The following IPO7 variants were observed in gnomAD, a reference collection of about 807,000 sequenced individuals.
IPO7 encodes the protein importin-7.
IPO7 carries 13 observed loss-of-function variants against 136.4 expected under a neutral mutation model. That is an observed-to-expected ratio of 0.10 (90% CI 0.06 to 0.15). The LOEUF (loss-of-function observed/expected upper bound fraction) is 0.15, where lower values mean the gene tolerates loss of function less well. Ranked by LOEUF, IPO7 falls within the 10% of genes least tolerant of loss-of-function variation. IPO7 has a pLI of 1.00. For synonymous variants in IPO7, 403 were observed against 404.4 expected, an observed-to-expected ratio of 1.00 and a Z score of 0.04; for missense variants, 857 against 1,240.6, an observed-to-expected ratio of 0.69 and a Z score of 4.65.
intron 1 of IPO7, among the ~76,000 whole-genome samples, chr11:9,400,454 C>G (rs1039966589): frequency 6.6e-6 from 1 of 151,756 alleles, no homozygotes; most frequent in Non-Finnish European, 1.5e-5. Flanking sequence ...GACCTAATCT[C>G]GCTGTCGCCC....
chr11:9,397,341 A>AAAAAAAAATATATATATATAT, intron 1 of IPO7, among the ~76,000 whole-genome samples: 15 of 10,756 alleles, frequency 1.4e-3, no homozygotes, highest in South Asian at 6.6e-3. Context: ...TTTAAAAAAA[A>AAAAAAAAATATATATATATAT]ATATATATAT....
intron 5 of IPO7, among the ~76,000 whole-genome samples, chr11:9,414,851 C>T (rs577688557): frequency 1.3e-5 from 2 of 151,774 alleles, no homozygotes; most frequent in African/African-American, 2.4e-5. Context: ...GTCTCGAACT[C>T]CTGACCTCGT....
At chr11:9,430,792 C>T (rs1855283209) in intron 15 of IPO7, 83 bp from the exon 16 acceptor site, 10 of 1,095,748 alleles carry the variant, frequency 9.1e-6, no homozygotes, top group Non-Finnish European at 1.3e-5. Flanking sequence ...CCAATGAGAA[C>T]GTTCTAAGAA....
At chr11:9,437,615 A>G (rs1379585804) in intron 20 of IPO7, 139 bp from the exon 21 acceptor site, 3 of 653,252 alleles carry the variant, frequency 4.6e-6, no homozygotes, top group Admixed American at 2.9e-5. Flanking sequence ...TAGATTTCCC[A>G]GTGCAGTGCC....
rs879244973 is a variant in IPO7 at position 9,441,987 on chromosome 11, T to C, written c.2903-94T>C. The C allele has an allele frequency of 1.7e-5, 10 of 578,788 alleles. 1 individual carries two copies. The South Asian group carries it at 2.6e-4, about 15-fold the overall frequency. 35.9% of individuals were successfully genotyped at this position (578,788 alleles called of 1,614,324 possible). On this transcript the variant is annotated intron_variant, in intron 23 of 24. Transcript: ENST00000379719. ...TATAAAATAGATCAGAATTTCAGTATTGCCTCGGGATGGAGTAGGAGGAAT... is the reference window on the plus strand; with the variant it reads ...TATAAAATAGATCAGAATTTCAGTACTGCCTCGGGATGGAGTAGGAGGAAT...
Position 9,384,784 on chromosome 11 carries a change from C to G in IPO7, c.21C>G (p.Ile7Met). The G allele has an allele frequency of 6.2e-7, 1 of 1,606,580 alleles. No individual in the cohort carries two copies. The highest frequency in any genetic ancestry group is 8.5e-7 in the Non-Finnish European group (1 of 1,176,686). Residue 7 changes from isoleucine to methionine, a missense_variant, in exon 1 of 25, where the codon ATC (isoleucine) becomes ATG (methionine). Around this residue, in one of 11 missense-constraint regions of IPO7, gnomAD observed 49 missense variants for 59.9 expected, o/e 0.82. Transcript: ENST00000379719. ...CTGCGATGGACCCCAACACCATTAT[C>G]GAGGCCCTGCGGGGCACTATGGACC... MDPNTI[I>M]EALRGTMDPA... is the part of the protein sequence containing the mutation.
chr11:9,400,426 A>T (rs1400408943), intron 1 of IPO7, among the ~76,000 whole-genome samples: 1 of 146,652 alleles, frequency 6.8e-6, no homozygotes, highest in African/African-American at 2.5e-5. Context: ...TAAATAAGTA[A>T]TTTTTTTTTT....
intron 1 of IPO7, among the ~76,000 whole-genome samples, chr11:9,396,071 T>C (rs140953948): frequency 1.8e-4 from 28 of 152,154 alleles, no homozygotes; most frequent in African/African-American, 6.0e-4. Context: ...TTTATACTTA[T>C]ATGTTTTTGA....
intron 14 of IPO7, 146 bp from the exon 15 acceptor site, chr11:9,429,528 A>C: frequency 2.1e-6 from 1 of 465,804 alleles, no homozygotes. Context: ...TATATATATT[A>C]ATTGTAAAAA....
intron 5 of IPO7, among the ~76,000 whole-genome samples, chr11:9,416,567 G>A (rs1217033484): frequency 6.6e-6 from 1 of 152,006 alleles, no homozygotes; most frequent in East Asian, 1.9e-4. Flanking sequence ...ATCCCAAATT[G>A]GATAACTTTT....
intron 1 of IPO7, among the ~76,000 whole-genome samples, chr11:9,385,428 G>T (rs1330860079): frequency 6.6e-6 from 1 of 152,200 alleles, no homozygotes; most frequent in Non-Finnish European, 1.5e-5. Flanking sequence ...CAGGATAGGA[G>T]TAGTGCGGGA....
chr11:9,444,730 G>A (rs1855504679), intron 24 of IPO7, among the ~76,000 whole-genome samples: 1 of 151,488 alleles, frequency 6.6e-6, no homozygotes. Flanking sequence ...AGCTACTTGG[G>A]AGGCTAAGGC....
rs545526004 is a variant in IPO7, at chr11:9,396,106, G to A, written c.85-7184G>A. On this transcript the variant is annotated intron_variant, in intron 1 of 24. Transcript: ENST00000379719. ...AAGGTAATAAGGTTAATAAAGTGTT[G>A]AGTGTTGGGCCGGGCGTGGTGGCTC... Among the ~76,000 whole-genome samples the A allele has an allele frequency of 4.2e-3, 641 of 151,980 alleles. 2 individuals carry two copies. Among genetic ancestry groups the A allele is most frequent in the Non-Finnish European group, 6.9e-3 (468 of 67,956 alleles).
At position 9,439,869 on chromosome 11, in the gene IPO7, G is replaced by A. The variant is rs540053733; in HGVS notation, c.2696-586G>A. ...ATTACAGGCGTGAGCCACCGCGCCC[G>A]GCGAATTATGGGGTTTTCATTTTAT... On this transcript the variant is annotated intron_variant, in intron 22 of 24. Coordinates refer to ENST00000379719, the MANE Select transcript of IPO7 (RefSeq NM_006391.3). Among the ~76,000 whole-genome samples, 6 of 152,272 alleles carry A rather than the reference G, an allele frequency of 3.9e-5. 1 individual carries two copies. Among genetic ancestry groups the A allele is most frequent in the East Asian group, 1.9e-4 (1 of 5,192 alleles).
At chr11:9,397,084 T>C (rs529250976) in intron 1 of IPO7, among the ~76,000 whole-genome samples, 8 of 151,598 alleles carry the variant, frequency 5.3e-5, no homozygotes, top group Non-Finnish European at 8.8e-5. Flanking sequence ...ACACCTAATG[T>C]TGCTATACAT....
In IPO7 at chr11:9,429,828, A is replaced by G; in HGVS notation, c.1746A>G (p.Gln582=). 1 of 1,590,806 alleles carries G rather than the reference A, an allele frequency of 6.3e-7. No individual in the cohort carries two copies. The highest frequency in any genetic ancestry group is 1.9e-5 in the Admixed American group (1 of 53,614). The part of the protein sequence containing the change: ...EVTPIAVEMT[Q]HLAMTFNQVI... ...CTCCTATTGCAGTAGAAATGACACAACATTTGGTATGTTGTTTGAACCTAC... is the reference window on the plus strand; with the variant it reads ...CTCCTATTGCAGTAGAAATGACACAGCATTTGGTATGTTGTTTGAACCTAC... Residue 582 remains glutamine (Q), a synonymous_variant, in exon 15 of 25, where the codon CAA becomes CAG. Transcript: ENST00000379719.
At chr11:9,387,976 C>T (rs1455764804) in intron 1 of IPO7, among the ~76,000 whole-genome samples, 3 of 149,498 alleles carry the variant, frequency 2.0e-5, no homozygotes, top group Non-Finnish European at 4.4e-5. Flanking sequence ...GGAGAAACCC[C>T]GTCTCTACTA....
chr11:9,397,365 T>TATATATATATATA (rs1564992067), intron 1 of IPO7, among the ~76,000 whole-genome samples: 35 of 94,708 alleles, frequency 3.7e-4, no homozygotes, highest in Non-Finnish European at 5.1e-4. Context: ...TATATATATA[T>TATATATATATATA]TAGTCGGGCA....
Position 9,420,487 on chromosome 11 carries a change from T to C in IPO7, c.803T>C (p.Leu268Ser). 6.2e-7 allele frequency: 1 copy of C among 1,611,474 alleles called. No individual in the cohort carries two copies. Among genetic ancestry groups the C allele is most frequent in the Non-Finnish European group, 8.5e-7 (1 of 1,178,072 alleles). ...TGCAAGAAGTGGGCCTTACATATTT[T>C]AGCAAGACTTTTTGAAAGGTAATCT... ...WKCKKWALHILARLFERYGSP... is the reference protein window; with the variant it reads ...WKCKKWALHISARLFERYGSP... The change falls in exon 7 of 25, where the codon TTA (leucine) becomes TCA (serine). Residue 268 changes from leucine (L) to serine (S), a missense_variant. By Grantham distance (145) the Leu-to-Ser change is moderately radical. Around this residue, in one of 11 missense-constraint regions of IPO7, gnomAD observed 287 missense variants for 307.5 expected, o/e 0.93. Coordinates refer to ENST00000379719, the MANE Select transcript of IPO7 (RefSeq NM_006391.3).
Sources: gnomAD v4.1 joint callset for allele counts (sites outside exome capture counted in the v4.1 genomes callset) on GRCh38, gnomAD v4.1.1 for gene constraint, gnomAD v4.1.1 regional missense constraint, MANE v1.5 for transcripts, NCBI Gene and HGNC (gene_info 2026-07-23, HGNC 2026-07-21) for gene names.